DACH2: variants seen among roughly 807,000 people sequenced by gnomAD.
The protein encoded by DACH2 is dachshund homolog 2.
DACH2 carries 17 observed loss-of-function variants against 35.8 expected under a neutral mutation model. The observed-to-expected ratio is 0.48, with a 90% CI of 0.33 to 0.71. The LOEUF is 0.71. Among genes scored for constraint, DACH2 ranks in the 30% least tolerant of loss-of-function variants. The pLI is 0.02. For synonymous variants in DACH2, 195 were observed against 177.3 expected, an observed-to-expected ratio of 1.10 and a Z score of -0.79; for missense variants, 469 against 472.7, an observed-to-expected ratio of 0.99 and a Z score of 0.07.
At chrX:86,321,695 C>T (rs2035019000) in intron 1 of DACH2, among the ~76,000 whole-genome samples, 1 of 111,476 alleles carries the variant, frequency 9.0e-6, no homozygotes, top group Admixed American at 9.6e-5. Context: ...CATCTCTGAA[C>T]TTTTCTGCTG....
intron 1 of DACH2, among the ~76,000 whole-genome samples, chrX:86,357,052 C>A (rs142065477): frequency 0.013 from 1,433 of 111,386 alleles, 67 homozygotes; most frequent in Admixed American, 0.12. Flanking sequence ...TGAGAATATA[C>A]TGTATTGAAT....
chrX:86,359,479 G>A (rs1188059618), intron 1 of DACH2, among the ~76,000 whole-genome samples: 2 of 111,738 alleles, frequency 1.8e-5, no homozygotes, highest in African/African-American at 3.3e-5. Context: ...CAGGTGTGGT[G>A]GCTCAAACCT....
chrX:86,675,545 A>G (rs770049736), intron 4 of DACH2, among the ~76,000 whole-genome samples: 1 of 110,606 alleles, frequency 9.0e-6, no homozygotes, highest in African/African-American at 3.3e-5. Flanking sequence ...TTTGCTGGAC[A>G]TCGTGGCACA....
intron 3 of DACH2, among the ~76,000 whole-genome samples, chrX:86,541,282 T>G (rs2038877227): frequency 9.0e-6 from 1 of 111,513 alleles, no homozygotes; most frequent in South Asian, 3.7e-4. Context: ...AAATGCTTCT[T>G]TACATCTCCA....
At chrX:86,403,284 A>G (rs1280311022) in intron 2 of DACH2, among the ~76,000 whole-genome samples, 1 of 112,009 alleles carries the variant, frequency 8.9e-6, no homozygotes, top group Non-Finnish European at 1.9e-5. Context: ...CAAACTATGC[A>G]TCTGTCAAAG....
chrX:86,489,142 G>T (rs1192816114), intron 2 of DACH2, among the ~76,000 whole-genome samples: 1 of 110,804 alleles, frequency 9.0e-6, no homozygotes, highest in African/African-American at 3.3e-5. Context: ...GTAATTTTAG[G>T]TATCTGTTCA....
rs781707404 is a variant in DACH2 at position 86,403,562 on chromosome X, G to T, written c.527+26700G>T. Among the ~76,000 whole-genome samples, 17 of 112,103 alleles carry T rather than the reference G, an allele frequency of 1.5e-4. No individual in the cohort carries two copies. In the South Asian group the frequency reaches 5.9e-3, roughly 39 times the overall value. ...AACAGAAATAGATGCTGGTCAGGCT[G>T]TGGAGAAGAGGGAACACTTATGCAC... On this transcript the variant is annotated intron_variant, in intron 2 of 11. Transcript: ENST00000373125.
At chrX:86,785,846 C>G (rs888303986) in intron 7 of DACH2, among the ~76,000 whole-genome samples, 3 of 110,780 alleles carry the variant, frequency 2.7e-5, no homozygotes, top group African/African-American at 9.8e-5. Context: ...TTTTGCTTCC[C>G]CCCTAAATTA....
intron 1 of DACH2, among the ~76,000 whole-genome samples, chrX:86,204,482 C>A (rs1046754303): frequency 9.0e-6 from 1 of 111,635 alleles, no homozygotes; most frequent in African/African-American, 3.3e-5. Flanking sequence ...TTTGGAAAGG[C>A]ATGATCGCAG....
chrX:86,495,389 C>T (rs1176317941), intron 2 of DACH2, among the ~76,000 whole-genome samples: 1 of 108,011 alleles, frequency 9.3e-6, no homozygotes, highest in Non-Finnish European at 1.9e-5. Context: ...CTTCAAAATC[C>T]AGTGTGTATT....
At chrX:86,437,735 A>T (rs971041031) in intron 2 of DACH2, among the ~76,000 whole-genome samples, 2 of 111,210 alleles carry the variant, frequency 1.8e-5, no homozygotes, top group Non-Finnish European at 3.8e-5. Flanking sequence ...TGCTGCAATT[A>T]ACCTGTGAGT....
intron 4 of DACH2, among the ~76,000 whole-genome samples, chrX:86,678,153 T>C (rs2040841960): frequency 8.9e-6 from 1 of 112,122 alleles, no homozygotes. Context: ...AGGGTGCAGG[T>C]GTTCACACCA....
chrX:86,266,492 A>G (rs1338528233), intron 1 of DACH2, among the ~76,000 whole-genome samples: 1 of 112,129 alleles, frequency 8.9e-6, no homozygotes, highest in African/African-American at 3.2e-5. Context: ...ATTATAAGAT[A>G]GTGGCAACTG....
chrX:86,369,354 T>A (rs2035852886), intron 1 of DACH2, among the ~76,000 whole-genome samples: 1 of 111,398 alleles, frequency 9.0e-6, no homozygotes, highest in African/African-American at 3.3e-5. Context: ...AAATATTTTA[T>A]TTTAAAATCC....
chrX:86,237,852 C>A (rs1172493578), intron 1 of DACH2, among the ~76,000 whole-genome samples: 12 of 112,040 alleles, frequency 1.1e-4, no homozygotes, highest in Non-Finnish European at 2.3e-4. Flanking sequence ...CCAAGGAATG[C>A]AGTGGTGACT....
At chrX:86,578,817 T>C (rs2039467467) in intron 3 of DACH2, among the ~76,000 whole-genome samples, 1 of 112,018 alleles carries the variant, frequency 8.9e-6, no homozygotes, top group African/African-American at 3.2e-5. Context: ...TTGTATAGTA[T>C]ATAATTGCTA....
chrX:86,247,970 G>T lies in DACH2; in HGVS notation c.488+98862G>T, dbSNP rs1001079212. On this transcript the variant is annotated intron_variant, in intron 1 of 11. Transcript: ENST00000373125. ...TGGTCATCTCAATAGATGCAGAAAA[G>T]GTTTTCAATAAAGTTCAATATCCCT... Among the ~76,000 whole-genome samples, 4 of 110,478 alleles carry T rather than the reference G, an allele frequency of 3.6e-5. 1 individual carries two copies. In the Admixed American group the frequency reaches 3.9e-4, roughly 11 times the overall value.
At chrX:86,321,678 T>G (rs764211911) in intron 1 of DACH2, among the ~76,000 whole-genome samples, 19 of 111,662 alleles carry the variant, frequency 1.7e-4, no homozygotes, top group Non-Finnish European at 3.6e-4. Flanking sequence ...TATAAAGATA[T>G]ATTATTCATC....
intron 2 of DACH2, among the ~76,000 whole-genome samples, chrX:86,441,668 G>A (rs1402123577): frequency 9.1e-6 from 1 of 109,736 alleles, no homozygotes; most frequent in African/African-American, 3.3e-5. Flanking sequence ...ACCTAGTAGT[G>A]AGATTGCTGG....
Sources: allele counts gnomAD v4.1 joint callset (sites outside exome capture counted in the v4.1 genomes callset), GRCh38; gene constraint gnomAD v4.1.1; transcripts MANE v1.5; gene names NCBI Gene and HGNC (gene_info 2026-07-23, HGNC 2026-07-21).